Variants in CA10 observed in about 807,000 individuals in gnomAD.
CA10 encodes the protein carbonic anhydrase-related protein 10.
CA10 carries 14 observed loss-of-function variants against 44.2 expected under a neutral mutation model. The observed-to-expected ratio is 0.32, with a 90% CI of 0.21 to 0.50. CA10 has a LOEUF of 0.50. Among genes scored for constraint, CA10 ranks in the 20% least tolerant of loss-of-function variants. CA10 has a pLI of 0.99. For missense variants in CA10, 350 were observed against 409.7 expected (o/e 0.85, Z 1.26); for synonymous variants, 159 against 141.6 (o/e 1.12, Z -0.87).
In CA10 at chr17:52,027,072, G is replaced by A. The variant is rs181911085; in HGVS notation, c.136+45247C>T. Among the ~76,000 whole-genome samples, 556 of 152,036 alleles carry A rather than the reference G, an allele frequency of 3.7e-3. 5 individuals carry two copies. The highest frequency in any genetic ancestry group is 0.013 in the African/African-American group (520 of 41,456). On this transcript the variant is annotated intron_variant, in intron 2 of 8. Coordinates refer to ENST00000451037, the MANE Select transcript of CA10 (RefSeq NM_020178.5). ...TGGGAGTCCTGAGTTTGTTTTCCTGGAACTAGATGGTCCCATCTAGGGGCG... is the reference window on the plus strand; with the variant it reads ...TGGGAGTCCTGAGTTTGTTTTCCTGAAACTAGATGGTCCCATCTAGGGGCG...
chr17:51,865,530 G>A (rs912763551), intron 3 of CA10, among the ~76,000 whole-genome samples: 2 of 152,216 alleles, frequency 1.3e-5, no homozygotes, highest in South Asian at 2.1e-4. Flanking sequence ...AAGCTGCCAG[G>A]CCGCAGGGCA....
chr17:51,867,614 C>A (rs967156018), intron 3 of CA10, among the ~76,000 whole-genome samples: 3 of 152,140 alleles, frequency 2.0e-5, no homozygotes, highest in Admixed American at 6.5e-5. Flanking sequence ...ACAGACAAAC[C>A]AACCAACCCC....
intron 3 of CA10, among the ~76,000 whole-genome samples, chr17:51,857,434 T>G (rs2143834456): frequency 6.6e-6 from 1 of 152,282 alleles, no homozygotes; most frequent in Non-Finnish European, 1.5e-5. Context: ...CTCTGTATTT[T>G]AACAGGAAAA....
chr17:51,959,206 ATTCT>A (rs1459466898), intron 2 of CA10, among the ~76,000 whole-genome samples: 5 of 146,402 alleles, frequency 3.4e-5, no homozygotes, highest in African/African-American at 1.0e-4. Flanking sequence ...TCTGGAAGAC[ATTCT>A]TTTTTTTTTT....
chr17:51,983,894 A>G lies in CA10; in HGVS notation c.137-52762T>C, dbSNP rs557164081. On this transcript the variant is annotated intron_variant, in intron 2 of 8. Coordinates refer to ENST00000451037, the MANE Select transcript of CA10 (RefSeq NM_020178.5). ...TGGCAGGGGAAGCTTGCCATATAAA[A>G]AGGTGAAAGACCTTTTCAACTATTT... Among the ~76,000 whole-genome samples, 56 of 151,936 alleles carry G rather than the reference A, an allele frequency of 3.7e-4. No individual in the cohort carries two copies. In the East Asian group the frequency reaches 9.7e-3, roughly 26 times the overall value.
chr17:51,803,084 C>T (rs1321494027), intron 3 of CA10, among the ~76,000 whole-genome samples: 2 of 152,172 alleles, frequency 1.3e-5, no homozygotes, highest in Non-Finnish European at 2.9e-5. Context: ...CAGAGCAAAC[C>T]AGTTTCTTCC....
chr17:51,842,778 A>G (rs920640965), intron 3 of CA10, among the ~76,000 whole-genome samples: 2 of 152,028 alleles, frequency 1.3e-5, no homozygotes, highest in African/African-American at 4.8e-5. Flanking sequence ...GAAAGTTAAC[A>G]GTATATGGTA....
At chr17:52,039,663 C>T (rs936611700) in intron 2 of CA10, among the ~76,000 whole-genome samples, 1 of 152,072 alleles carries the variant, frequency 6.6e-6, no homozygotes, top group Non-Finnish European at 1.5e-5. Flanking sequence ...ATTTCTTTGT[C>T]ATGGGAAGTA....
At chr17:51,958,224 C>T (rs556359954) in intron 2 of CA10, among the ~76,000 whole-genome samples, 2 of 151,306 alleles carry the variant, frequency 1.3e-5, no homozygotes, top group African/African-American at 4.9e-5. Context: ...GCCTCAAATT[C>T]CATGTAAGTA....
intron 1 of CA10, among the ~76,000 whole-genome samples, chr17:52,077,632 C>T (rs73987406): frequency 0.063 from 9,066 of 143,376 alleles, 275 homozygotes; most frequent in South Asian, 0.13. Context: ...CAGAAGTGAG[C>T]TACTTTACAA....
chr17:52,125,638 GT>G (rs1989103304), intron 1 of CA10, among the ~76,000 whole-genome samples: 1 of 152,160 alleles, frequency 6.6e-6, no homozygotes, highest in Admixed American at 6.5e-5. Flanking sequence ...TACCTTCCTA[GT>G]TTGGGGATGA....
intron 4 of CA10, among the ~76,000 whole-genome samples, chr17:51,736,390 A>G (rs2143575942): frequency 6.6e-6 from 1 of 151,582 alleles, no homozygotes; most frequent in East Asian, 1.9e-4. Context: ...CTGTTCCGGG[A>G]TGACCATTTG....
intron 2 of CA10, among the ~76,000 whole-genome samples, chr17:52,040,723 G>A (rs1453577565): frequency 1.3e-5 from 2 of 152,040 alleles, no homozygotes; most frequent in African/African-American, 4.8e-5. Flanking sequence ...ACTGAGTGGA[G>A]GGGACAGAGT....
chr17:51,710,822 CAT>C (rs1373672056), intron 4 of CA10, among the ~76,000 whole-genome samples: 4 of 150,740 alleles, frequency 2.7e-5, no homozygotes, highest in African/African-American at 9.7e-5. Context: ...ATTTCAAAAA[CAT>C]AGACAAATTG....
intron 3 of CA10, among the ~76,000 whole-genome samples, chr17:51,866,163 A>T (rs1979537545): frequency 6.6e-6 from 1 of 152,196 alleles, no homozygotes; most frequent in African/African-American, 2.4e-5. Context: ...AACTGTCATT[A>T]ATCCTAGTCT....
chr17:51,765,551 T>C (rs1905340963), intron 3 of CA10, among the ~76,000 whole-genome samples: 1 of 152,210 alleles, frequency 6.6e-6, no homozygotes, highest in Non-Finnish European at 1.5e-5. Context: ...ATATTGTCTT[T>C]CAGGGACAAT....
rs2143941516 is a variant in CA10 at position 51,906,450 on chromosome 17, C to T, written c.279+24540G>A. Among the ~76,000 whole-genome samples, 4 of 152,212 alleles carry T rather than the reference C, an allele frequency of 2.6e-5. 1 individual carries two copies. The highest frequency in any genetic ancestry group is 2.6e-4 in the Admixed American group (4 of 15,272). On this transcript the variant is annotated intron_variant, in intron 3 of 8. Transcript: ENST00000451037. ...CTCACCGGATGTGCCATCTCGGTCT[C>T]CATTGCTGGTGCCTTCCCTGCCTGC...
intron 3 of CA10, among the ~76,000 whole-genome samples, chr17:51,801,908 C>A (rs758951236): frequency 4.6e-5 from 7 of 152,106 alleles, no homozygotes; most frequent in Non-Finnish European, 7.4e-5. Flanking sequence ...ATTTCATTAC[C>A]GAAGACACTG....
At position 51,730,196 on chromosome 17, in the gene CA10, A is replaced by G. The variant is rs547092786; in HGVS notation, c.465+17437T>C. ...AAGCTCCCTGAGGGCAAGAATTATGAATTACTCATAATTGAACCTAGAGAT... is the reference window on the plus strand; with the variant it reads ...AAGCTCCCTGAGGGCAAGAATTATGGATTACTCATAATTGAACCTAGAGAT... On this transcript the variant is annotated intron_variant, in intron 4 of 8. Transcript: ENST00000451037. 3.3e-5 allele frequency among the ~76,000 whole-genome samples: 5 copies of G among 152,366 alleles called. No individual in the cohort carries two copies. In the East Asian group the frequency reaches 9.6e-4, roughly 29 times the overall value.
Sources: gnomAD v4.1 joint callset for allele counts (sites outside exome capture counted in the v4.1 genomes callset) on GRCh38, gnomAD v4.1.1 for gene constraint, MANE v1.5 for transcripts, NCBI Gene and HGNC (gene_info 2026-07-23, HGNC 2026-07-21) for gene names.